Variants in PHF21B observed in about 807,000 individuals in gnomAD.
The protein encoded by PHF21B is PHD finger protein 4.
In PHF21B, 22 loss-of-function variants were observed where a neutral mutation model predicts 62.2. The observed-to-expected ratio is 0.35, with a 90% CI of 0.25 to 0.51. PHF21B has a LOEUF of 0.51. Ranked by LOEUF, PHF21B falls within the 20% of genes least tolerant of loss-of-function variation. The pLI is 0.97. For missense variants in PHF21B, 701 were observed against 707.9 expected (o/e 0.99, Z 0.11); for synonymous variants, 341 against 314.7 (o/e 1.08, Z -0.88).
chr22:45,007,738 AGGGG>A (rs1287994009), intron 2 of PHF21B, among the ~76,000 whole-genome samples: 163 of 7,576 alleles, frequency 0.022, 2 homozygotes, highest in Non-Finnish European at 0.038. Flanking sequence ...GAGTGCGGGG[AGGGG>A]GCGCGGCGGG....
chr22:44,883,157 C>G lies in PHF21B; in HGVS notation c.1525G>C (p.Ala509Pro). The change falls in exon 13 of 13, where the codon GCC (alanine) becomes CCC (proline). Residue 509 changes from alanine (A) to proline (P), a missense_variant. By Grantham distance (27) the Ala-to-Pro change is conservative. Transcript: ENST00000313237. ...MTTTSPAPLL[A>P]GPWTKPSVAA... ...ACTGAGGGCTTGGTCCAGGGCCCGG[C>G]CAGCAGTGGGGCAGGGCTAGTGGTC... 6.2e-7 allele frequency: 1 copy of G among 1,613,114 alleles called. No individual in the cohort carries two copies. Among genetic ancestry groups the G allele is most frequent in the Non-Finnish European group, 8.5e-7 (1 of 1,179,940 alleles).
intron 2 of PHF21B, chr22:44,971,246 A>C (rs1376943197): frequency 6.6e-6 from 1 of 152,156 alleles, no homozygotes; most frequent in Admixed American, 6.5e-5. Flanking sequence ...CGTGGCTATG[A>C]AGCCTGTTTG....
intron 2 of PHF21B, among the ~76,000 whole-genome samples, chr22:44,993,969 TCA>T (rs140625286): frequency 0.015 from 2,236 of 152,310 alleles, 53 homozygotes; most frequent in African/African-American, 0.051. Context: ...ACCTGCCCAG[TCA>T]CAGTTTCAGA....
At chr22:44,981,842 T>C (rs183328591) in intron 2 of PHF21B, among the ~76,000 whole-genome samples, 2 of 152,194 alleles carry the variant, frequency 1.3e-5, no homozygotes, top group African/African-American at 2.4e-5. Flanking sequence ...TGACAAAAGG[T>C]TGACCATGAA....
Position 44,888,123 on chromosome 22 carries a change from TG to T in PHF21B, c.1039-3del. 6.6e-7 allele frequency: 1 copy of T among 1,521,660 alleles called. No individual in the cohort carries two copies. The highest frequency in any genetic ancestry group is 1.2e-5 in the South Asian group (1 of 80,592). The allele number at this position is 1,521,660 out of a possible 1,614,324, so 94.3% of individuals were successfully genotyped here. ...GTGCTCATCGTGGGTGATCTCGTTCTGGAAGAGAAGGGAGGGCAGGAGACAG... is the reference window on the plus strand; with the variant it reads ...GTGCTCATCGTGGGTGATCTCGTTCTGAAGAGAAGGGAGGGCAGGAGACAG... On this transcript the variant is annotated splice_region_variant and splice_polypyrimidine_tract_variant and intron_variant, in intron 9 of 12. Coordinates refer to ENST00000313237, the MANE Select transcript of PHF21B (RefSeq NM_138415.5).
intron 2 of PHF21B, among the ~76,000 whole-genome samples, chr22:44,931,631 T>G: frequency 1.0e-5 from 1 of 99,756 alleles, no homozygotes; most frequent in Non-Finnish European, 2.2e-5. Context: ...GGATTGGGGG[T>G]TGTGATCTTG....
chr22:45,001,718 TA>T (rs1317869719), intron 2 of PHF21B: 6 of 152,214 alleles, frequency 3.9e-5, no homozygotes, highest in African/African-American at 1.4e-4. Flanking sequence ...TTCGTGGAAT[TA>T]ACCTGAGCTG....
intron 2 of PHF21B, among the ~76,000 whole-genome samples, chr22:44,955,140 C>T (rs898616041): frequency 6.6e-6 from 1 of 152,186 alleles, no homozygotes; most frequent in Non-Finnish European, 1.5e-5. Context: ...TGCTGTGTCT[C>T]CCAGAGTCCT....
chr22:44,992,503 C>T (rs998166283), intron 2 of PHF21B, among the ~76,000 whole-genome samples: 1 of 152,274 alleles, frequency 6.6e-6, no homozygotes, highest in African/African-American at 2.4e-5. Flanking sequence ...TCAAGCACGT[C>T]ACCCACATCA....
intron 2 of PHF21B, chr22:45,000,865 C>T (rs550865985): frequency 1.3e-5 from 2 of 152,264 alleles, no homozygotes; most frequent in East Asian, 3.9e-4. Flanking sequence ...TAGTGACAGA[C>T]CCACGTTTAA....
At chr22:44,981,137 G>T (rs79826734) in intron 2 of PHF21B, among the ~76,000 whole-genome samples, 11 of 152,108 alleles carry the variant, frequency 7.2e-5, no homozygotes, top group African/African-American at 1.9e-4. Context: ...ATGAGGAAAC[G>T]GCCTTTATGT....
At chr22:44,918,468 A>C (rs2071478256) in intron 3 of PHF21B, among the ~76,000 whole-genome samples, 1 of 152,134 alleles carries the variant, frequency 6.6e-6, no homozygotes, top group African/African-American at 2.4e-5. Context: ...CTTGGAGCTT[A>C]TCATCTTTCT....
At chr22:45,003,601 G>A (rs2073259240) in intron 2 of PHF21B, 1 of 152,314 alleles carries the variant, frequency 6.6e-6, no homozygotes, top group African/African-American at 2.4e-5. Flanking sequence ...CAAGAGCAAG[G>A]GGAAGCCACC....
chr22:44,961,769 T>C lies in PHF21B; in HGVS notation c.121-41279A>G, dbSNP rs1232471909. Among the ~76,000 whole-genome samples, 5 of 151,758 alleles carry C rather than the reference T, an allele frequency of 3.3e-5. No individual in the cohort carries two copies. In the East Asian group the frequency reaches 9.7e-4, roughly 29 times the overall value. On this transcript the variant is annotated intron_variant, in intron 2 of 12. Coordinates refer to ENST00000313237, the MANE Select transcript of PHF21B (RefSeq NM_138415.5). ...GACAGGAAAATCGCTTGAACCAGCA[T>C]GGCAGAGGTTGCAGTGAGCCGAGGT... is the stretch of plus-strand genomic sequence containing the variant.
chr22:44,911,010 G>A (rs995843564), intron 5 of PHF21B, among the ~76,000 whole-genome samples: 2 of 152,234 alleles, frequency 1.3e-5, no homozygotes, highest in African/African-American at 4.8e-5. Flanking sequence ...CAAGGAACTT[G>A]TTGGGAACTG....
intron 5 of PHF21B, among the ~76,000 whole-genome samples, chr22:44,913,365 G>A (rs912468075): frequency 6.6e-6 from 1 of 152,170 alleles, no homozygotes; most frequent in Non-Finnish European, 1.5e-5. Flanking sequence ...GGACAGAGGG[G>A]CCCATAGCCG....
chr22:44,895,454 C>T (rs113557243), intron 6 of PHF21B, among the ~76,000 whole-genome samples: 14 of 152,328 alleles, frequency 9.2e-5, no homozygotes, highest in African/African-American at 3.4e-4. Context: ...CCAATTTTCA[C>T]GGACACATTT....
Position 44,928,166 on chromosome 22 carries a change from T to A in PHF21B, c.121-7676A>T, listed in dbSNP as rs563333759. ...GGGCAGAGGGGTTCCAGCGCTGGCT[T>A]TGACATCAGCTGTGCGGGACCCCTC... is the stretch of plus-strand genomic sequence containing the variant. On this transcript the variant is annotated intron_variant, in intron 2 of 12. Transcript: ENST00000313237. Among the ~76,000 whole-genome samples, 8 of 152,214 alleles carry A rather than the reference T, an allele frequency of 5.3e-5. No individual in the cohort carries two copies. The South Asian group carries it at 1.2e-3, about 24-fold the overall frequency.
At chr22:44,910,341 G>T (rs1423814307) in intron 5 of PHF21B, among the ~76,000 whole-genome samples, 1 of 152,194 alleles carries the variant, frequency 6.6e-6, no homozygotes, top group African/African-American at 2.4e-5. Context: ...AGCACTTTCG[G>T]AGGCTGAGGC....
Sources: allele counts gnomAD v4.1 joint callset (sites outside exome capture counted in the v4.1 genomes callset), GRCh38; gene constraint gnomAD v4.1.1; transcripts MANE v1.5; gene names NCBI Gene and HGNC (gene_info 2026-07-23, HGNC 2026-07-21).